Variants in SENP2 observed in about 807,000 individuals in gnomAD.
SENP2 encodes the protein sentrin-specific protease 2.
In SENP2, 16 loss-of-function variants were observed where a neutral mutation model predicts 86.3. That is an observed-to-expected ratio of 0.19 (90% CI 0.13 to 0.28). SENP2 has a LOEUF of 0.28. SENP2 is among the 10% of genes least tolerant of loss of function. SENP2 has a pLI of 1.00. For missense variants in SENP2, 552 were observed against 703.0 expected, an observed-to-expected ratio of 0.79 and a Z score of 2.43; for synonymous variants, 222 against 238.7, an observed-to-expected ratio of 0.93 and a Z score of 0.64.
intron 1 of SENP2, 35 bp from the exon 2 acceptor site, chr3:185,590,079 C>CTA (rs200131839): frequency 1.0e-4 from 122 of 1,181,980 alleles, no homozygotes; most frequent in Middle Eastern, 5.0e-4. Context: ...GTGTGTAAAT[C>CTA]TATATATATA....
intron 16 of SENP2, among the ~76,000 whole-genome samples, chr3:185,626,629 C>G (rs1181195355): frequency 6.6e-6 from 1 of 151,510 alleles, no homozygotes; most frequent in Non-Finnish European, 1.5e-5. Context: ...AAAAATTAGC[C>G]AGGCGTGGTG....
At chr3:185,625,448 CTTT>C (rs749892778) in intron 15 of SENP2, among the ~76,000 whole-genome samples, 52 of 152,194 alleles carry the variant, frequency 3.4e-4, no homozygotes, top group Non-Finnish European at 6.0e-4. Flanking sequence ...AACTTCATTT[CTTT>C]GAGTAAAAAT....
chr3:185,598,631 G>T, intron 3 of SENP2, 86 bp downstream of exon 3: 1 of 1,343,808 alleles, frequency 7.4e-7, no homozygotes, highest in Non-Finnish European at 1.0e-6. Flanking sequence ...GAGAGTTAAT[G>T]TGTATAATTA....
intron 7 of SENP2, 42 bp downstream of exon 7, chr3:185,609,392 T>C (rs533134925): frequency 7.1e-7 from 1 of 1,414,480 alleles, no homozygotes; most frequent in South Asian, 1.2e-5. Flanking sequence ...AGGCATCTTT[T>C]GTTTGTTTGT....
At chr3:185,629,050 T>C (rs928862066) in intron 16 of SENP2, among the ~76,000 whole-genome samples, 20 of 152,224 alleles carry the variant, frequency 1.3e-4, no homozygotes, top group Non-Finnish European at 4.4e-5. Flanking sequence ...ATTGGCAATG[T>C]ACAACGCCTG....
At chr3:185,603,995 C>T (rs1232567320) in intron 5 of SENP2, among the ~76,000 whole-genome samples, 1 of 152,134 alleles carries the variant, frequency 6.6e-6, no homozygotes, top group African/African-American at 2.4e-5. Context: ...GTGGCACACA[C>T]CTGTAATCCC....
At chr3:185,590,889 A>G (rs1200137188) in intron 2 of SENP2, among the ~76,000 whole-genome samples, 1 of 143,298 alleles carries the variant, frequency 7.0e-6, no homozygotes, top group African/African-American at 2.6e-5. Context: ...AAAAAAAAAA[A>G]AAGAAAGTCT....
Position 185,629,913 on chromosome 3 carries a change from T to C in SENP2, c.*69T>C. 1 of 1,495,028 alleles carries C rather than the reference T, an allele frequency of 6.7e-7. No homozygotes were observed. Among genetic ancestry groups the C allele is most frequent in the South Asian group, 1.1e-5 (1 of 88,420 alleles). The allele number at this position is 1,495,028 out of a possible 1,614,324, so 92.6% of individuals were successfully genotyped here. ...AGACATTTCCATATACCTCATGCAT[T>C]GTGGGTTAAAAAGTCCCTGCATCAC... On this transcript the variant is annotated 3_prime_UTR_variant, in exon 17 of 17. Coordinates refer to ENST00000296257, the MANE Select transcript of SENP2 (RefSeq NM_021627.3).
At chr3:185,629,026 G>A (rs1712287097) in intron 16 of SENP2, among the ~76,000 whole-genome samples, 1 of 152,222 alleles carries the variant, frequency 6.6e-6, no homozygotes, top group Non-Finnish European at 1.5e-5. Context: ...GGGAGAAGTT[G>A]CTGTTTGAAC....
chr3:185,613,264 G>T, intron 9 of SENP2, 81 bp from the exon 10 acceptor site: 1 of 852,472 alleles, frequency 1.2e-6, no homozygotes, highest in South Asian at 1.6e-5. Flanking sequence ...TACAAATTAC[G>T]AAATCTTATT....
In SENP2 at chr3:185,592,011, C is replaced by CTTTTTTTTTTTTTTTTTTTTTTTTTTTT. The variant is rs149268515; in HGVS notation, c.157+1865_157+1866insTTTTTTTTTTTTTTTTTTTTTTTTTTTT. 9.1e-5 allele frequency among the ~76,000 whole-genome samples: 6 copies of CTTTTTTTTTTTTTTTTTTTTTTTTTTTT among 65,804 alleles called. 2 individuals are homozygous for CTTTTTTTTTTTTTTTTTTTTTTTTTTTT. Among genetic ancestry groups the CTTTTTTTTTTTTTTTTTTTTTTTTTTTT allele is most frequent in the Non-Finnish European group, 1.4e-4 (5 of 36,706 alleles). The allele number at this position is 65,804 out of a possible 152,430, so 43.2% of individuals were successfully genotyped here. ...CTGTCTTTAAGAACCGGTAATATTT[C>CTTTTTTTTTTTTTTTTTTTTTTTTTTTT]TTTTTTTTTTTTTTTTTTTTTTTGA... On this transcript the variant is annotated intron_variant, in intron 2 of 16. Transcript: ENST00000296257.
intron 1 of SENP2, among the ~76,000 whole-genome samples, chr3:185,587,845 C>T (rs1463377827): frequency 6.7e-6 from 1 of 149,048 alleles, no homozygotes; most frequent in East Asian, 2.0e-4. Context: ...GGCGATTCTT[C>T]TGCCTCAGCC....
Position 185,631,463 on chromosome 3 carries a change from T to TCCCCCTCCCCC in SENP2, c.*1628_*1629insCCCCCCCTCCC, listed in dbSNP as rs1560205369. 1 of 284 alleles carries TCCCCCTCCCCC rather than the reference T, an allele frequency of 3.5e-3. No individual in the cohort carries two copies. Among genetic ancestry groups the TCCCCCTCCCCC allele is most frequent in the Non-Finnish European group, 6.9e-3 (1 of 144 alleles). 0.0% of individuals were successfully genotyped at this position (284 alleles called of 1,614,324 possible). ...CCACTCCCCCTCCCTCCCTCTCCCC[T>TCCCCCTCCCCC]CCCCCTCCCTCCCTCCCCCCTCCCT... is the stretch of plus-strand genomic sequence containing the variant. On this transcript the variant is annotated 3_prime_UTR_variant, in exon 17 of 17. Transcript: ENST00000296257.
At chr3:185,626,162 C>T in intron 15 of SENP2, 136 bp from the exon 16 acceptor site, 1 of 603,642 alleles carries the variant, frequency 1.7e-6, no homozygotes, top group Non-Finnish European at 2.9e-6. Flanking sequence ...TTGTATATGA[C>T]TGTGTGTTTA....
chr3:185,613,163 C>T (rs1187942675), intron 9 of SENP2, among the ~76,000 whole-genome samples, 182 bp from the exon 10 acceptor site: 1 of 152,244 alleles, frequency 6.6e-6, no homozygotes. Context: ...ACCATAAAAC[C>T]TGCAAAGCCT....
chr3:185,614,565 G>A lies in SENP2; in HGVS notation c.935G>A (p.Arg312Lys), dbSNP rs1640917792. 2 of 1,609,548 alleles carry A rather than the reference G, an allele frequency of 1.2e-6. No homozygotes were observed. The highest frequency in any genetic ancestry group is 1.3e-5 in the African/African-American group (1 of 74,570). The part of the protein sequence containing the change: ...MVGIRFENES[R>K]RGYQLEPDLS... ...GAATTTAGATAATTTTTTGATCAGA[G>A]GAGGGGATACCAACTGGAGCCTGAC... is the stretch of plus-strand genomic sequence containing the variant. Residue 312 changes from arginine to lysine, a missense_variant and splice_region_variant, in exon 11 of 17, where the codon AGG becomes AAG. By Grantham distance (26) the Arg-to-Lys change is conservative (BLOSUM62 2). Around this residue, in one of 2 missense-constraint regions of SENP2, gnomAD observed 383 missense variants for 427.3 expected, o/e 0.90. Transcript: ENST00000296257.
intron 7 of SENP2, among the ~76,000 whole-genome samples, chr3:185,611,332 T>G (rs1253314535): frequency 6.6e-6 from 1 of 152,092 alleles, no homozygotes; most frequent in Non-Finnish European, 1.5e-5. Context: ...TTTAAATACA[T>G]AGCTTAAAAA....
At chr3:185,606,269 T>C in intron 5 of SENP2, 61 bp from the exon 6 acceptor site, 1 of 1,480,002 alleles carries the variant, frequency 6.8e-7, no homozygotes, top group Non-Finnish European at 9.1e-7. Context: ...TCTGGGAGCT[T>C]AGATTCCAGC....
In SENP2 at chr3:185,621,087, G is replaced by A. The variant is rs895609291; in HGVS notation, c.1447-739G>A. Among the ~76,000 whole-genome samples, 13 of 148,960 alleles carry A rather than the reference G, an allele frequency of 8.7e-5. No individual in the cohort carries two copies. In the Admixed American group the frequency reaches 8.8e-4, roughly 10 times the overall value. ...GTGGAAGATTCCCTGAGCCCAGGAG[G>A]TCGAGGCTGCAGTGAGCCGTGATCA... is the stretch of plus-strand genomic sequence containing the variant. On this transcript the variant is annotated intron_variant, in intron 13 of 16. Transcript: ENST00000296257.
Sources: gnomAD v4.1 joint callset for allele counts (sites outside exome capture counted in the v4.1 genomes callset) on GRCh38, gnomAD v4.1.1 for gene constraint, gnomAD v4.1.1 regional missense constraint, MANE v1.5 for transcripts, NCBI Gene and HGNC (gene_info 2026-07-23, HGNC 2026-07-21) for gene names.